MYOF: variants seen among roughly 807,000 people sequenced by gnomAD.
MYOF encodes the protein fer-1-like 3, myoferlin.
A neutral mutation model predicts 284.2 loss-of-function variants in MYOF; 244 were observed. The observed-to-expected ratio is 0.86, with a 90% CI of 0.77 to 0.95. MYOF has a LOEUF of 0.95. MYOF is among the 40% of genes least tolerant of loss of function. MYOF has a pLI of 0.00. For missense variants in MYOF, 2,496 were observed against 2,560.6 expected (o/e 0.97, Z 0.54); for synonymous variants, 904 against 919.7 (o/e 0.98, Z 0.31).
chr10:93,375,060 A>G lies in MYOF; in HGVS notation c.2109-105T>C, dbSNP rs563830579. ...ATGTTGGATTTCCATCTTGCAAACC[A>G]CATCAACCTCCTAACTGAATCTACA... On this transcript the variant is annotated intron_variant, in intron 22 of 53. Coordinates refer to ENST00000359263, the MANE Select transcript of MYOF (RefSeq NM_013451.4). 3 of 1,099,218 alleles carry G rather than the reference A, an allele frequency of 2.7e-6. No homozygotes were observed. In the African/African-American group the frequency reaches 4.7e-5, roughly 17 times the overall value. The allele number at this position is 1,099,218 out of a possible 1,614,324, so 68.1% of individuals were successfully genotyped here. A position where few individuals can be genotyped will look rare whatever the true frequency, so the allele number is the denominator to read the frequency against.
At chr10:93,454,987 T>TTA (rs1491150473) in intron 2 of MYOF, among the ~76,000 whole-genome samples, 4 of 58,654 alleles carry the variant, frequency 6.8e-5, no homozygotes, top group Non-Finnish European at 9.2e-5. Context: ...TTTTTTTAAT[T>TTA]AAAAAAAAAA....
rs145295644 is a variant in MYOF at position 93,314,199 on chromosome 10, A to T, written c.5699-989T>A. Among the ~76,000 whole-genome samples the T allele has an allele frequency of 3.7e-3, 564 of 152,150 alleles. 5 individuals carry two copies. Among genetic ancestry groups the T allele is most frequent in the South Asian group, 0.025 (119 of 4,820 alleles). On this transcript the variant is annotated intron_variant, in intron 50 of 53. Coordinates refer to ENST00000359263, the MANE Select transcript of MYOF (RefSeq NM_013451.4). ...CGCCTACTGGGTTCAAGCGATTCTC[A>T]TGCCTCAGCCTCCCTAGTAGCTGGG...
chr10:93,349,326 A>T (rs1844391452), intron 36 of MYOF, among the ~76,000 whole-genome samples: 1 of 152,172 alleles, frequency 6.6e-6, no homozygotes, highest in Non-Finnish European at 1.5e-5. Flanking sequence ...GTGCCATCCC[A>T]GGGGCACCTG....
At chr10:93,470,798 A>G (rs540005853) in intron 1 of MYOF, among the ~76,000 whole-genome samples, 113 of 152,196 alleles carry the variant, frequency 7.4e-4, no homozygotes, top group African/African-American at 2.6e-3. Flanking sequence ...CACCCTATAC[A>G]CAGAGCTAAG....
intron 5 of MYOF, among the ~76,000 whole-genome samples, chr10:93,416,180 C>T (rs906689794): frequency 1.3e-5 from 2 of 152,164 alleles, no homozygotes; most frequent in Non-Finnish European, 2.9e-5. Flanking sequence ...TGAACCAAAG[C>T]GCAGCTGCTC....
At chr10:93,335,448 GGA>G (rs1843551936) in intron 41 of MYOF, among the ~76,000 whole-genome samples, 1 of 152,220 alleles carries the variant, frequency 6.6e-6, no homozygotes, top group Non-Finnish European at 1.5e-5. Context: ...AGGCTGGAGA[GGA>G]GTGTGACGAG....
intron 1 of MYOF, among the ~76,000 whole-genome samples, chr10:93,465,746 G>A (rs905564476): frequency 6.6e-5 from 10 of 151,890 alleles, no homozygotes; most frequent in African/African-American, 9.6e-5. Context: ...AACTCCTGAC[G>A]TCAGGTGATC....
chr10:93,414,482 T>A (rs1464582878), intron 5 of MYOF, among the ~76,000 whole-genome samples: 1 of 152,044 alleles, frequency 6.6e-6, no homozygotes, highest in Non-Finnish European at 1.5e-5. Context: ...GAGGTTGCAG[T>A]GAGCTGAGAT....
At chr10:93,448,622 G>T (rs1370591981) in intron 3 of MYOF, among the ~76,000 whole-genome samples, 1 of 152,138 alleles carries the variant, frequency 6.6e-6, no homozygotes, top group Non-Finnish European at 1.5e-5. Context: ...TGGTGGCTGT[G>T]GGCTTGGGGA....
intron 1 of MYOF, among the ~76,000 whole-genome samples, chr10:93,476,865 C>T (rs575108824): frequency 6.6e-6 from 1 of 152,232 alleles, no homozygotes; most frequent in African/African-American, 2.4e-5. Context: ...AATAACATGA[C>T]AATTATCTGG....
intron 5 of MYOF, 107 bp downstream of exon 5, chr10:93,425,964 G>A: frequency 2.6e-6 from 3 of 1,157,208 alleles, no homozygotes; most frequent in Admixed American, 2.2e-5. Context: ...GGGTGGGCAG[G>A]GAGCTACAGG....
intron 5 of MYOF, among the ~76,000 whole-genome samples, chr10:93,412,456 C>T (rs1406619593): frequency 6.6e-6 from 1 of 152,178 alleles, no homozygotes; most frequent in African/African-American, 2.4e-5. Flanking sequence ...ATCCTACTCT[C>T]TACCAGGTAA....
rs376665725 is a variant in MYOF at position 93,340,727 on chromosome 10, G to A, written c.4327-563C>T. Among the ~76,000 whole-genome samples the A allele has an allele frequency of 1.9e-3, 283 of 151,322 alleles. 1 individual carries two copies. Among genetic ancestry groups the A allele is most frequent in the African/African-American group, 6.6e-3 (270 of 41,118 alleles). ...ATCAAAACTGCTTTATTATGAGGAT[G>A]TCAAGTTTCCATTGGCCAAATCCTT... On this transcript the variant is annotated intron_variant, in intron 38 of 53. Coordinates refer to ENST00000359263, the MANE Select transcript of MYOF (RefSeq NM_013451.4).
intron 51 of MYOF, among the ~76,000 whole-genome samples, chr10:93,311,855 C>T (rs983861423): frequency 6.6e-6 from 1 of 152,112 alleles, no homozygotes; most frequent in Non-Finnish European, 1.5e-5. Flanking sequence ...TACTTCATGG[C>T]GTTGTCAGCA....
intron 43 of MYOF, among the ~76,000 whole-genome samples, chr10:93,332,489 G>A (rs573349264): frequency 2.3e-4 from 35 of 151,798 alleles, no homozygotes; most frequent in Middle Eastern, 3.4e-3. Context: ...CTAAGTGCTG[G>A]GATTACAGGT....
In MYOF at chr10:93,323,083, G is replaced by T. The variant is rs773370099; in HGVS notation, c.5451C>A (p.Val1817=). The part of the protein sequence containing the change: ...ITGEEMSDIY[V]KGWIPGNEEN... ...CTCTCACATGCTAACCTTACCCTTT[G>T]ACGTAGATGTCACTCATTTCCTCTC... The change falls in exon 48 of 54, where the codon GTC becomes GTA. Residue 1817 remains valine (V), a synonymous_variant. Coordinates refer to ENST00000359263, the MANE Select transcript of MYOF (RefSeq NM_013451.4). The T allele has an allele frequency of 6.2e-7, 1 of 1,613,452 alleles. No individual in the cohort carries two copies. The highest frequency in any genetic ancestry group is 1.1e-5 in the South Asian group (1 of 91,078).
chr10:93,372,788 A>G, intron 24 of MYOF, 142 bp downstream of exon 24: 1 of 969,130 alleles, frequency 1.0e-6, no homozygotes, highest in Non-Finnish European at 1.5e-6. Context: ...TTATTGCCCC[A>G]GAGAGAGGGA....
At chr10:93,427,565 A>T (rs945980348) in intron 4 of MYOF, among the ~76,000 whole-genome samples, 5 of 151,624 alleles carry the variant, frequency 3.3e-5, no homozygotes, top group Non-Finnish European at 7.4e-5. Context: ...GACTAACAAA[A>T]CATGTATATA....
chr10:93,361,775 G>A (rs1289867286), intron 27 of MYOF, among the ~76,000 whole-genome samples: 1 of 152,094 alleles, frequency 6.6e-6, no homozygotes, highest in Non-Finnish European at 1.5e-5. Context: ...TACTATTAGG[G>A]AATAGTACTA....
Sources: allele counts gnomAD v4.1 joint callset (sites outside exome capture counted in the v4.1 genomes callset), GRCh38; gene constraint gnomAD v4.1.1; transcripts MANE v1.5; gene names NCBI Gene and HGNC (gene_info 2026-07-23, HGNC 2026-07-21).